Variants in TRERF1 observed in about 807,000 individuals in gnomAD.
TRERF1 encodes the protein transcriptional-regulating factor 1.
Under a neutral mutation model 122.9 loss-of-function variants are expected in TRERF1, and 27 were observed. The ratio of observed to expected loss-of-function variants is 0.22; its 90% CI spans 0.16 to 0.30. The LOEUF (loss-of-function observed/expected upper bound fraction) is 0.30, where lower values mean the gene tolerates loss of function less well. Ranked by LOEUF, TRERF1 falls within the 10% of genes least tolerant of loss-of-function variation. The pLI is 1.00. For missense variants in TRERF1, 1,248 were observed against 1,560.3 expected (o/e 0.80, Z 3.37); for synonymous variants, 636 against 641.7 (o/e 0.99, Z 0.13).
At chr6:42,289,290 C>T (rs146587058) in intron 4 of TRERF1, among the ~76,000 whole-genome samples, 26 of 151,366 alleles carry the variant, frequency 1.7e-4, no homozygotes, top group African/African-American at 5.6e-4. Context: ...CATGCCACTG[C>T]GCTCCAGCCC....
At chr6:42,384,031 G>A (rs1290341100) in intron 2 of TRERF1, among the ~76,000 whole-genome samples, 5 of 151,682 alleles carry the variant, frequency 3.3e-5, no homozygotes, top group Non-Finnish European at 7.4e-5. Flanking sequence ...TGGTTTCGGT[G>A]TAAATTGCTA....
At chr6:42,417,220 G>A (rs771923638) in intron 2 of TRERF1, among the ~76,000 whole-genome samples, 2 of 151,994 alleles carry the variant, frequency 1.3e-5, no homozygotes, top group African/African-American at 2.4e-5. Flanking sequence ...GCTGAAACTC[G>A]CCTTACCTTC....
In TRERF1 at chr6:42,268,757, G is replaced by T; in HGVS notation, c.834C>A (p.Ala278=). The T allele has an allele frequency of 6.2e-7, 1 of 1,614,152 alleles. No homozygotes were observed. Among genetic ancestry groups the T allele is most frequent in the Non-Finnish European group, 8.5e-7 (1 of 1,180,034 alleles). Residue 278 remains alanine (A), a synonymous_variant, in exon 5 of 18, where the codon GCC becomes GCA. Coordinates refer to ENST00000372922, the Ensembl canonical transcript of TRERF1. The surrounding 1 kb of genome is among the most constrained non-coding windows in gnomAD (Gnocchi z 4.4). ...CTTGCATGGAGATACGCTGTTGCCC[G>T]GCTTGCTGCTGTTGCTGCGGTGGGT...
rs181187413 is a variant in TRERF1, at chr6:42,282,199, T to C, written c.-258-12351A>G. Among the ~76,000 whole-genome samples the C allele has an allele frequency of 1.2e-3, 181 of 152,282 alleles. 1 individual carries two copies. The highest frequency in any genetic ancestry group is 3.9e-3 in the African/African-American group (162 of 41,540). Reference sequence around the variant, plus strand: ...AACCCAAATGCCTAACCATAAGGGATTGATTGAAGGAAATCATGGAATAAC... The same window carrying C: ...AACCCAAATGCCTAACCATAAGGGACTGATTGAAGGAAATCATGGAATAAC... On this transcript the variant is annotated intron_variant, in intron 4 of 17. Transcript: ENST00000372922.
At chr6:42,327,534 A>C (rs1324467155) in intron 3 of TRERF1, among the ~76,000 whole-genome samples, 1 of 152,176 alleles carries the variant, frequency 6.6e-6, no homozygotes, top group African/African-American at 2.4e-5. Context: ...TACTGAATAG[A>C]TAACTCCGAG....
intron 2 of TRERF1, among the ~76,000 whole-genome samples, chr6:42,435,750 C>A (rs949810618): frequency 6.6e-6 from 1 of 151,196 alleles, no homozygotes; most frequent in Non-Finnish European, 1.5e-5. Flanking sequence ...CTGAGGCGGG[C>A]AGATCACGAG....
At position 42,302,246 on chromosome 6, in the gene TRERF1, T is replaced by G. The variant is rs536858464; in HGVS notation, c.-370-1497A>C. The stretch of plus-strand genomic sequence containing the variant: ...CTACTATTTAATGCTATAAAATGAT[T>G]TTTTTTTAAATGAGAAATCCTTTGT... On this transcript the variant is annotated intron_variant, in intron 3 of 17. Transcript: ENST00000372922. Among the ~76,000 whole-genome samples, 4 of 152,184 alleles carry G rather than the reference T, an allele frequency of 2.6e-5. No homozygotes were observed. In the East Asian group the frequency reaches 7.8e-4, roughly 29 times the overall value.
At chr6:42,309,788 ATTTTG>A (rs923487965) in intron 3 of TRERF1, among the ~76,000 whole-genome samples, 4 of 152,174 alleles carry the variant, frequency 2.6e-5, no homozygotes, top group African/African-American at 9.7e-5. Context: ...TTATTTTATT[ATTTTG>A]TTTTATTTAT....
intron 3 of TRERF1, among the ~76,000 whole-genome samples, chr6:42,311,741 G>A (rs1178083604): frequency 6.8e-6 from 1 of 146,248 alleles, no homozygotes; most frequent in African/African-American, 2.6e-5. Context: ...ACTCCAGCCT[G>A]GGCAACTGAG....
chr6:42,289,343 C>A (rs1006282767), intron 4 of TRERF1, among the ~76,000 whole-genome samples: 21 of 131,016 alleles, frequency 1.6e-4, no homozygotes, highest in African/African-American at 2.1e-4. Flanking sequence ...AAAAAACAAA[C>A]AAACAAAAAA....
At chr6:42,379,385 C>T (rs1006834368) in intron 2 of TRERF1, among the ~76,000 whole-genome samples, 19 of 152,054 alleles carry the variant, frequency 1.2e-4, no homozygotes, top group African/African-American at 4.6e-4. Flanking sequence ...AGGAGACTAA[C>T]CAAATCAAAC....
intron 2 of TRERF1, among the ~76,000 whole-genome samples, chr6:42,448,189 T>G (rs953856561): frequency 6.6e-6 from 1 of 151,362 alleles, no homozygotes; most frequent in Non-Finnish European, 1.5e-5. Context: ...AAAGCCACAC[T>G]GGGCTTTCTG....
At chr6:42,319,697 C>G (rs2150432867) in intron 3 of TRERF1, among the ~76,000 whole-genome samples, 1 of 151,474 alleles carries the variant, frequency 6.6e-6, no homozygotes, top group Non-Finnish European at 1.5e-5. Flanking sequence ...ATGGTGTGTG[C>G]CTGTGGTCCC....
At chr6:42,445,611 C>T (rs995810462) in intron 2 of TRERF1, among the ~76,000 whole-genome samples, 2 of 152,016 alleles carry the variant, frequency 1.3e-5, no homozygotes, top group African/African-American at 4.8e-5. Context: ...TTGATTCTGC[C>T]CGCCTCCCTC....
intron 8 of TRERF1, among the ~76,000 whole-genome samples, chr6:42,261,476 C>G (rs1210212894): frequency 6.6e-6 from 1 of 152,114 alleles, no homozygotes; most frequent in East Asian, 1.9e-4. Flanking sequence ...TCCACCCCAC[C>G]AAGCTATTTG....
chr6:42,344,919 G>A (rs1767979505), intron 3 of TRERF1, among the ~76,000 whole-genome samples: 1 of 152,204 alleles, frequency 6.6e-6, no homozygotes, highest in African/African-American at 2.4e-5. Flanking sequence ...TGAGGGCAGG[G>A]AATCTTCTCT....
intron 2 of TRERF1, among the ~76,000 whole-genome samples, chr6:42,425,712 T>G (rs1279512207): frequency 1.3e-5 from 2 of 151,444 alleles, no homozygotes; most frequent in Non-Finnish European, 2.9e-5. Flanking sequence ...CCCAGCTAAT[T>G]TTTTGTATTT....
At chr6:42,372,882 G>C (rs1325920441) in intron 2 of TRERF1, among the ~76,000 whole-genome samples, 1 of 152,196 alleles carries the variant, frequency 6.6e-6, no homozygotes, top group African/African-American at 2.4e-5. Flanking sequence ...GAGACCCTGA[G>C]TCAGGCAAAG....
chr6:42,343,539 C>T (rs925496752), intron 3 of TRERF1, among the ~76,000 whole-genome samples: 1 of 152,092 alleles, frequency 6.6e-6, no homozygotes, highest in Non-Finnish European at 1.5e-5. Flanking sequence ...CTGCTGACCT[C>T]GGAGGAGAAC....
Sources: allele counts gnomAD v4.1 joint callset (sites outside exome capture counted in the v4.1 genomes callset), GRCh38; gene constraint gnomAD v4.1.1; non-coding constraint Gnocchi (gnomAD v3.1); transcripts MANE v1.5; gene names NCBI Gene and HGNC (gene_info 2026-07-23, HGNC 2026-07-21).